Variants in TJP2 observed in about 807,000 individuals in gnomAD.
TJP2 encodes tight junction protein 2, also known as Friedreich ataxia region gene X104 (tight junction protein ZO-2).
Under a neutral mutation model 133.1 loss-of-function variants are expected in TJP2, and 91 were observed. That is an observed-to-expected ratio of 0.68 (90% CI 0.58 to 0.81). The LOEUF (loss-of-function observed/expected upper bound fraction) is 0.81. Among genes scored for constraint, TJP2 ranks in the 40% least tolerant of loss-of-function variants. The probability of loss-of-function intolerance (pLI) is 0.00; values close to 1 mark genes in which losing one functional copy is unlikely to be tolerated. For synonymous variants in TJP2, 592 were observed against 583.4 expected (o/e 1.01, Z -0.21); for missense variants, 1,541 against 1,565.6 (o/e 0.98, Z 0.26).
chr9:69,191,870 G>C (rs1167259637), intron 1 of TJP2, among the ~76,000 whole-genome samples: 1 of 151,784 alleles, frequency 6.6e-6, no homozygotes, highest in African/African-American at 2.4e-5. Flanking sequence ...CTGACTACCT[G>C]GGATTATAGG....
intron 3 of TJP2, among the ~76,000 whole-genome samples, chr9:69,216,949 A>G (rs1828429967): frequency 6.6e-6 from 1 of 151,762 alleles, no homozygotes; most frequent in Non-Finnish European, 1.5e-5. Flanking sequence ...CTGAAGAAGT[A>G]ACACCATTTT....
chr9:69,215,004 T>C (rs991640415), intron 2 of TJP2, among the ~76,000 whole-genome samples: 3 of 152,326 alleles, frequency 2.0e-5, no homozygotes, highest in African/African-American at 7.2e-5. Flanking sequence ...GAACGAAATA[T>C]GTCCTTTGCA....
chr9:69,221,155 G>T lies in TJP2; in HGVS notation c.611G>T (p.Gly204Val), dbSNP rs1223903302. 1.3e-6 allele frequency: 2 copies of T among 1,595,830 alleles called. No individual in the cohort carries two copies. The highest frequency in any genetic ancestry group is 3.4e-5 in the Admixed American group (2 of 58,108). ...AGCCGTGGCCGGAGCCTGGAGCGGG[G>T]CCTGGACCAAGACCATGCGCGCACC... The part of the protein sequence containing the change: ...DRSRGRSLER[G>V]LDQDHARTRD... Residue 204 changes from glycine (G) to valine (V), a missense_variant, in exon 5 of 23, where the codon GGC (glycine) becomes GTC (valine). Gly to Val is a moderately radical substitution (Grantham distance 109). Coordinates refer to ENST00000377245, the MANE Select transcript of TJP2 (RefSeq NM_004817.4).
At chr9:69,174,632 C>T (rs1824928314) in intron 1 of TJP2, among the ~76,000 whole-genome samples, 200 bp downstream of exon 1, 1 of 152,184 alleles carries the variant, frequency 6.6e-6, no homozygotes, top group Admixed American at 6.5e-5. Flanking sequence ...CTCCGGGGCT[C>T]CTGGAACCTT....
At chr9:69,133,527 T>A (rs549010362) in intron 1 of TJP2, among the ~76,000 whole-genome samples, 1 of 147,392 alleles carries the variant, frequency 6.8e-6, no homozygotes, top group Non-Finnish European at 1.5e-5. Flanking sequence ...AAGAATGCTT[T>A]CCTGTTTCAT....
intron 20 of TJP2, among the ~76,000 whole-genome samples, chr9:69,250,315 G>A (rs539804128): frequency 6.6e-6 from 1 of 152,218 alleles, no homozygotes; most frequent in South Asian, 2.1e-4. Flanking sequence ...TGTTGGCCAG[G>A]CTGGTCTCGA....
Position 69,166,209 on chromosome 9 carries a change from C to G in TJP2, c.-10+14438C>G, listed in dbSNP as rs190135864. On this transcript the variant is annotated intron_variant, in intron 2 of 5. Transcript: ENST00000423935. Reference sequence around the variant, plus strand: ...CTAGGCAGCCTCTGCTTTCCAGGCTCAAGCCATCCTCTTGCTTCAGCCTCC... The same window carrying G: ...CTAGGCAGCCTCTGCTTTCCAGGCTGAAGCCATCCTCTTGCTTCAGCCTCC... Among the ~76,000 whole-genome samples, 672 of 152,248 alleles carry G rather than the reference C, an allele frequency of 4.4e-3. 3 individuals carry two copies. The highest frequency in any genetic ancestry group is 9.4e-3 in the Admixed American group (144 of 15,302).
chr9:69,187,426 ATT>A (rs1375342479), intron 1 of TJP2, among the ~76,000 whole-genome samples: 2 of 152,182 alleles, frequency 1.3e-5, no homozygotes, highest in Non-Finnish European at 2.9e-5. Context: ...GGATGCTGTC[ATT>A]TCTGTTTCTC....
chr9:69,232,443 A>G (rs1414190352), intron 11 of TJP2, among the ~76,000 whole-genome samples: 1 of 152,232 alleles, frequency 6.6e-6, no homozygotes, highest in African/African-American at 2.4e-5. Context: ...ATTGGAAAGG[A>G]CTGTTCAATG....
chr9:69,221,585 G>A, intron 5 of TJP2, 89 bp downstream of exon 5: 1 of 1,508,132 alleles, frequency 6.6e-7, no homozygotes, highest in Non-Finnish European at 9.0e-7. Context: ...CGAAAGTGTT[G>A]CTCTGTCATC....
upstream of TJP2, chr9:69,173,959 G>T (rs1033613043): frequency 6.1e-6 from 6 of 985,178 alleles, no homozygotes; most frequent in African/African-American, 1.0e-4. Context: ...GCTGGCGGGG[G>T]TGGAGGGGTG....
chr9:69,223,140 A>G (rs1829037513), intron 5 of TJP2, among the ~76,000 whole-genome samples: 2 of 149,468 alleles, frequency 1.3e-5, no homozygotes, highest in Non-Finnish European at 3.0e-5. Flanking sequence ...AAGCTCTCCT[A>G]GTGGCCTTGC....
intron 1 of TJP2, among the ~76,000 whole-genome samples, chr9:69,210,926 C>T (rs1827857895): frequency 6.6e-6 from 1 of 152,106 alleles, no homozygotes; most frequent in Admixed American, 6.6e-5. Flanking sequence ...TGGGGTCTCA[C>T]TATGTTGCAC....
chr9:69,229,152 A>G (rs1829572777), intron 9 of TJP2, 32 bp from the exon 10 acceptor site: 1 of 1,605,192 alleles, frequency 6.2e-7, no homozygotes, highest in Non-Finnish European at 8.5e-7. Context: ...GTTAGTCCAG[A>G]TTGATAACAG....
intron 1 of TJP2, among the ~76,000 whole-genome samples, chr9:69,175,329 G>A (rs1381966505): frequency 6.6e-6 from 1 of 152,210 alleles, no homozygotes; most frequent in Non-Finnish European, 1.5e-5. Flanking sequence ...CTCTCAGCCC[G>A]GGGAATCCCA....
chr9:69,235,362 G>T, intron 12 of TJP2, among the ~76,000 whole-genome samples: 1 of 151,326 alleles, frequency 6.6e-6, no homozygotes, highest in South Asian at 2.1e-4. Context: ...TGGCTTTGTC[G>T]CTGAGGCTGG....
intron 17 of TJP2, among the ~76,000 whole-genome samples, chr9:69,243,170 G>C (rs559010931): frequency 1.3e-5 from 2 of 152,184 alleles, no homozygotes; most frequent in Admixed American, 1.3e-4. Flanking sequence ...GGCCTATTTT[G>C]TAGGCTTTTA....
rs751606391 is a variant in TJP2 at position 69,248,094 on chromosome 9, G to A, written c.2750G>A (p.Arg917His). ...MGADYLSCDS[R>H]LISDFEDTDG... ...GCGGACTATCTGAGTTGCGACAGCC[G>A]CCTCATCAGTGACTTTGAAGACACG... Residue 917 changes from arginine to histidine, a missense_variant, in exon 19 of 23, where the codon CGC (arginine) becomes CAC (histidine). Physicochemically the swap from Arg to His is conservative, Grantham distance 29. Transcript: ENST00000377245. 48 of 1,614,082 alleles carry A rather than the reference G, an allele frequency of 3.0e-5. No homozygotes were observed. The highest frequency in any genetic ancestry group is 5.0e-5 in the Admixed American group (3 of 60,014).
chr9:69,221,113 A>C lies in TJP2; in HGVS notation c.569A>C (p.Asp190Ala), dbSNP rs1280596369. The C allele has an allele frequency of 1.3e-6, 2 of 1,585,026 alleles. No homozygotes were observed. The highest frequency in any genetic ancestry group is 1.8e-5 in the Admixed American group (1 of 55,948). The change falls in exon 5 of 23, where the codon GAC (aspartate) becomes GCC (alanine). Residue 190 changes from aspartate to alanine, a missense_variant. By Grantham distance (126) the Asp-to-Ala change is moderately radical. Coordinates refer to ENST00000377245, the MANE Select transcript of TJP2 (RefSeq NM_004817.4). ...GAGCGGGCCCGGAGCCGGGAGCGGGACCTCAGCCGGGACCGGAGCCGTGGC... is the reference window on the plus strand; with the variant it reads ...GAGCGGGCCCGGAGCCGGGAGCGGGCCCTCAGCCGGGACCGGAGCCGTGGC... ...PHERARSRER[D>A]LSRDRSRGRS...
Sources: gnomAD v4.1 joint callset for allele counts (sites outside exome capture counted in the v4.1 genomes callset) on GRCh38, gnomAD v4.1.1 for gene constraint, MANE v1.5 for transcripts, NCBI Gene and HGNC (gene_info 2026-07-23, HGNC 2026-07-21) for gene names.